The following TGM5 variants were observed in gnomAD, a reference collection of about 807,000 sequenced individuals.
TGM5 encodes the protein protein-glutamine gamma-glutamyltransferase 5.
TGM5 carries 69 observed loss-of-function variants against 77.2 expected under a neutral mutation model. That is an observed-to-expected ratio of 0.89 (90% CI 0.74 to 1.09). TGM5 has a LOEUF of 1.09. TGM5 is among the 50% of genes least tolerant of loss of function. TGM5 has a pLI of 0.00. For synonymous variants in TGM5, 346 were observed against 351.8 expected (o/e 0.98, Z 0.18); for missense variants, 842 against 896.5 (o/e 0.94, Z 0.78).
intron 1 of TGM5, among the ~76,000 whole-genome samples, chr15:43,261,977 C>T (rs1432306531): frequency 6.6e-6 from 1 of 152,250 alleles, no homozygotes; most frequent in Non-Finnish European, 1.5e-5. Context: ...GCTCTTCATA[C>T]TTGGCCTTAG....
intron 7 of TGM5, chr15:43,239,525 A>C: frequency 1.9e-6 from 1 of 528,482 alleles, no homozygotes; most frequent in Admixed American, 3.2e-5. Context: ...CAAAAAAAAA[A>C]AAAAATTAAC....
At chr15:43,234,410 G>C (rs2042571614) in intron 11 of TGM5, among the ~76,000 whole-genome samples, 1 of 152,180 alleles carries the variant, frequency 6.6e-6, no homozygotes, top group African/African-American at 2.4e-5. Flanking sequence ...CCAAAAAATG[G>C]CAAATCAAGT....
Position 43,256,649 on chromosome 15 carries a change from C to A in TGM5, c.474G>T (p.Gln158His). ...AGCCATAATCATTCATGACATACTC[C>A]TGCCTCTGGGGTTCACTGTCCAAGT... is the stretch of plus-strand genomic sequence containing the variant. ...AVYLDSEPQR[Q>H]EYVMNDYGFI... Residue 158 changes from glutamine (Q) to histidine (H), a missense_variant, in exon 4 of 13, where the codon CAG becomes CAT. Gln to His is a conservative substitution (Grantham distance 24). Around this residue, in one of 2 missense-constraint regions of TGM5, gnomAD observed 815 missense variants for 844.6 expected, o/e 0.96. Coordinates refer to ENST00000220420, the MANE Select transcript of TGM5 (RefSeq NM_201631.4). The A allele has an allele frequency of 6.2e-7, 1 of 1,614,144 alleles. No individual in the cohort carries two copies. Among genetic ancestry groups the A allele is most frequent in the Non-Finnish European group, 8.5e-7 (1 of 1,180,012 alleles).
rs780793114 is a variant in TGM5 at position 43,260,198 on chromosome 15, G to T, written c.290C>A (p.Ala97Asp). Residue 97 changes from alanine to aspartate, a missense_variant, in exon 3 of 13, where the codon GCC becomes GAC. Around this residue, in one of 2 missense-constraint regions of TGM5, gnomAD observed 815 missense variants for 844.6 expected, o/e 0.96. Transcript: ENST00000220420. ...PWIAWLETNG[A>D]TSTEVSLCAP... ...GCACAAGCTCACCTCTGTGGAGGTG[G>T]CCCCATTGGTCTCCAGCCAGGCAAT... is the stretch of plus-strand genomic sequence containing the variant. The T allele has an allele frequency of 6.2e-7, 1 of 1,613,984 alleles. No homozygotes were observed. The highest frequency in any genetic ancestry group is 8.5e-7 in the Non-Finnish European group (1 of 1,180,034).
chr15:43,260,172 C>T lies in TGM5; in HGVS notation c.316G>A (p.Ala106Thr). 4 of 1,614,102 alleles carry T rather than the reference C, an allele frequency of 2.5e-6. No individual in the cohort carries two copies. Among genetic ancestry groups the T allele is most frequent in the Non-Finnish European group, 3.4e-6 (4 of 1,180,046 alleles). Reference sequence around the variant, plus strand: ...CGACCCACGGCCGCCGTGGGAGGAGCGCACAAGCTCACCTCTGTGGAGGTG... The same window carrying T: ...CGACCCACGGCCGCCGTGGGAGGAGTGCACAAGCTCACCTCTGTGGAGGTG... ...GATSTEVSLCAPPTAAVGRYL... is the reference protein window; with the variant it reads ...GATSTEVSLCTPPTAAVGRYL... The change falls in exon 3 of 13, where the codon GCT becomes ACT. Residue 106 changes from alanine (A) to threonine (T), a missense_variant. Physicochemically the swap from Ala to Thr is moderately conservative, Grantham distance 58. Around this residue, in one of 2 missense-constraint regions of TGM5, gnomAD observed 815 missense variants for 844.6 expected, o/e 0.96. Coordinates refer to ENST00000220420, the MANE Select transcript of TGM5 (RefSeq NM_201631.4).
At chr15:43,238,354 C>T (rs1400119593) in intron 9 of TGM5, among the ~76,000 whole-genome samples, 2 of 152,252 alleles carry the variant, frequency 1.3e-5, no homozygotes, top group Non-Finnish European at 2.9e-5. Flanking sequence ...CCAGGGCTGT[C>T]ACCTCAGAGT....
At position 43,256,699 on chromosome 15, in the gene TGM5, G is replaced by T; in HGVS notation, c.437-13C>A. ...TAGACAGCATCCTCTAGGAACCAGA[G>T]TGGGAGGGCACGAAGCAGAAAAGTC... On this transcript the variant is annotated splice_polypyrimidine_tract_variant and intron_variant, in intron 3 of 12. Transcript: ENST00000220420. The T allele has an allele frequency of 1.3e-6, 2 of 1,578,228 alleles. No homozygotes were observed. The highest frequency in any genetic ancestry group is 1.7e-6 in the Non-Finnish European group (2 of 1,147,562).
At chr15:43,262,053 C>T (rs2042793713) in intron 1 of TGM5, among the ~76,000 whole-genome samples, 1 of 152,140 alleles carries the variant, frequency 6.6e-6, no homozygotes, top group Non-Finnish European at 1.5e-5. Flanking sequence ...CAATCTATCC[C>T]CAAGCAAATC....
intron 9 of TGM5, among the ~76,000 whole-genome samples, chr15:43,237,712 G>T (rs2042600633): frequency 6.6e-6 from 1 of 152,162 alleles, no homozygotes; most frequent in Non-Finnish European, 1.5e-5. Context: ...ACAGCTCCTG[G>T]CCTGGGACAA....
Position 43,260,458 on chromosome 15 carries a change from G to A in TGM5, c.132C>T (p.Tyr44=), listed in dbSNP as rs2042777028. ...CTGGCTGGAAGCTCCGGTTCCTGAA[G>A]TACAGGGTGAGGTTGAAGGCCTGGC... is the stretch of plus-strand genomic sequence containing the variant. The part of the protein sequence containing the change: ...RRGQAFNLTL[Y]FRNRSFQPGL... The change falls in exon 2 of 13, where the codon TAC becomes TAT. Residue 44 remains tyrosine (Y), a synonymous_variant. Transcript: ENST00000220420. 3 of 1,614,196 alleles carry A rather than the reference G, an allele frequency of 1.9e-6. No individual in the cohort carries two copies. The highest frequency in any genetic ancestry group is 1.7e-5 in the Admixed American group (1 of 60,032).
chr15:43,259,072 A>C (rs1596450906), intron 3 of TGM5, among the ~76,000 whole-genome samples: 1 of 152,042 alleles, frequency 6.6e-6, no homozygotes, highest in Non-Finnish European at 1.5e-5. Flanking sequence ...GCTGGGGGAG[A>C]AGGTAGAAAG....
At chr15:43,249,808 C>T (rs1165440539) in intron 6 of TGM5, among the ~76,000 whole-genome samples, 1 of 152,248 alleles carries the variant, frequency 6.6e-6, no homozygotes, top group Non-Finnish European at 1.5e-5. Flanking sequence ...ATAACCTCAT[C>T]TTTGAGGCAC....
At chr15:43,255,845 A>G (rs1437439980) in intron 4 of TGM5, among the ~76,000 whole-genome samples, 1 of 152,228 alleles carries the variant, frequency 6.6e-6, no homozygotes, top group African/African-American at 2.4e-5. Flanking sequence ...GGTGCAGAGC[A>G]TTGCAATTAA....
intron 3 of TGM5, among the ~76,000 whole-genome samples, chr15:43,258,985 G>C (rs1031559830): frequency 1.3e-5 from 2 of 152,166 alleles, no homozygotes; most frequent in African/African-American, 4.8e-5. Context: ...ACAGGGAAGC[G>C]GGTAGTGGTT....
chr15:43,262,501 T>A (rs2042796507), intron 1 of TGM5, among the ~76,000 whole-genome samples: 1 of 152,220 alleles, frequency 6.6e-6, no homozygotes, highest in Admixed American at 6.5e-5. Flanking sequence ...AGAAGGGGAC[T>A]TCCAGCCGGG....
At chr15:43,242,341 G>A (rs1013431758) in intron 6 of TGM5, among the ~76,000 whole-genome samples, 2 of 152,076 alleles carry the variant, frequency 1.3e-5, no homozygotes, top group East Asian at 1.9e-4. Context: ...CTATTTTATC[G>A]AATATTTGCC....
chr15:43,261,090 T>TTTTTTTTTTTGTTTTTTG (rs2042786313), intron 1 of TGM5, among the ~76,000 whole-genome samples: 1 of 97,118 alleles, frequency 1.0e-5, no homozygotes, highest in African/African-American at 5.1e-5. Context: ...TTTTTTTTTT[T>TTTTTTTTTTTGTTTTTTG]TTTTTTTTTT....
chr15:43,238,695 A>G (rs2042608870), intron 9 of TGM5, 122 bp downstream of exon 9: 1 of 1,488,836 alleles, frequency 6.7e-7, no homozygotes, highest in Admixed American at 2.0e-5. Flanking sequence ...GGGGCCTCAA[A>G]ACTGAACAGC....
chr15:43,240,534 A>C (rs2042627092), intron 7 of TGM5, among the ~76,000 whole-genome samples: 1 of 151,444 alleles, frequency 6.6e-6, no homozygotes, highest in South Asian at 2.1e-4. Context: ...GGCAGTGGGG[A>C]AATTTTCTCC....
Sources: allele counts gnomAD v4.1 joint callset (sites outside exome capture counted in the v4.1 genomes callset), GRCh38; gene constraint gnomAD v4.1.1; regional missense constraint gnomAD v4.1.1; transcripts MANE v1.5; gene names NCBI Gene and HGNC (gene_info 2026-07-23, HGNC 2026-07-21).